The following ZNF385D variants were observed in gnomAD, a reference collection of about 807,000 sequenced individuals.
ZNF385D encodes zinc finger protein 659.
ZNF385D carries 15 observed loss-of-function variants against 35.8 expected under a neutral mutation model. That is an observed-to-expected ratio of 0.42 (90% CI 0.28 to 0.64). ZNF385D has a LOEUF of 0.64. Ranked by LOEUF, ZNF385D falls within the 30% of genes least tolerant of loss-of-function variation. The pLI, the probability that ZNF385D is intolerant of heterozygous loss-of-function variation, is 0.23. For synonymous variants in ZNF385D, 212 were observed against 186.8 expected, an observed-to-expected ratio of 1.13 and a Z score of -1.10; for missense variants, 474 against 494.6, an observed-to-expected ratio of 0.96 and a Z score of 0.39.
In ZNF385D at chr3:22,371,347, G is replaced by A. The variant is rs550519398; in HGVS notation, c.106+1103C>T. Among the ~76,000 whole-genome samples the A allele has an allele frequency of 4.9e-4, 74 of 152,240 alleles. 1 individual carries two copies. The highest frequency in any genetic ancestry group is 4.8e-3 in the Admixed American group (73 of 15,288). ...AGATGATTTCCCCACCATATTCCGG[G>A]AACACCGCAGAATTAGCATAGAACA... On this transcript the variant is annotated intron_variant, in intron 2 of 5. Coordinates refer to the ZNF385D transcript ENST00000494108.
At chr3:21,456,348 A>C (rs924702355) in intron 4 of ZNF385D, among the ~76,000 whole-genome samples, 1 of 152,208 alleles carries the variant, frequency 6.6e-6, no homozygotes, top group Admixed American at 6.5e-5. Context: ...AACGTCCAAC[A>C]ATGATAGACT....
chr3:22,187,602 T>C (rs996699785), intron 2 of ZNF385D, among the ~76,000 whole-genome samples: 6 of 152,110 alleles, frequency 3.9e-5, no homozygotes, highest in Admixed American at 3.3e-4. Flanking sequence ...GGGAACAAAG[T>C]TCTCATGAGG....
In ZNF385D at chr3:21,779,270, T is replaced by C. The variant is rs762675343; in HGVS notation, c.326-114242A>G. 9.9e-5 allele frequency among the ~76,000 whole-genome samples: 15 copies of C among 152,128 alleles called. No individual in the cohort carries two copies. In the East Asian group the frequency reaches 2.9e-3, roughly 30 times the overall value. On this transcript the variant is annotated intron_variant, in intron 3 of 5. Coordinates refer to the ZNF385D transcript ENST00000494108. ...CTGCAAAACAAAATTGAGCAGATTA[T>C]TCAGGTCAAATTGACTTCTAACTCA...
At chr3:21,839,610 G>A (rs73144887) in intron 3 of ZNF385D, among the ~76,000 whole-genome samples, 3,281 of 152,178 alleles carry the variant, frequency 0.022, 122 homozygotes, top group African/African-American at 0.075. Context: ...GCTTACAAGA[G>A]TAAAGATGTA....
intron 3 of ZNF385D, among the ~76,000 whole-genome samples, chr3:22,010,856 C>T (rs796594050): frequency 7.2e-5 from 11 of 152,216 alleles, no homozygotes; most frequent in African/African-American, 2.6e-4. Context: ...GTAAGGACAG[C>T]TATTTCAATA....
At chr3:21,824,157 C>G (rs1694449502) in intron 3 of ZNF385D, among the ~76,000 whole-genome samples, 2 of 152,138 alleles carry the variant, frequency 1.3e-5, no homozygotes, top group Non-Finnish European at 2.9e-5. Context: ...TTTCAAAATT[C>G]ATTATATCAT....
intron 2 of ZNF385D, among the ~76,000 whole-genome samples, chr3:22,314,354 T>C (rs1203869431): frequency 9.2e-5 from 14 of 152,160 alleles, no homozygotes; most frequent in Admixed American, 2.0e-4. Context: ...CTCCCACTTA[T>C]GAGTGAGAAC....
At chr3:21,536,981 A>G (rs1199834118) in intron 3 of ZNF385D, among the ~76,000 whole-genome samples, 1 of 152,030 alleles carries the variant, frequency 6.6e-6, no homozygotes, top group Admixed American at 6.5e-5. Context: ...TGACTACAGT[A>G]AGGTTAATGT....
chr3:21,585,168 A>G (rs989268304), intron 2 of ZNF385D, among the ~76,000 whole-genome samples: 3 of 152,208 alleles, frequency 2.0e-5, no homozygotes, highest in Non-Finnish European at 4.4e-5. Flanking sequence ...CCTGACATCA[A>G]TAAAGTTTGC....
intron 2 of ZNF385D, among the ~76,000 whole-genome samples, chr3:22,369,166 T>C (rs1200779042): frequency 6.6e-6 from 1 of 152,200 alleles, no homozygotes; most frequent in Non-Finnish European, 1.5e-5. Flanking sequence ...CCAATATTAG[T>C]TTCTTCAATC....
chr3:21,916,261 A>C (rs1296138421), intron 3 of ZNF385D, among the ~76,000 whole-genome samples: 1 of 152,132 alleles, frequency 6.6e-6, no homozygotes, highest in Non-Finnish European at 1.5e-5. Flanking sequence ...TTCTAGATAG[A>C]TTTTGTCAAT....
intron 3 of ZNF385D, among the ~76,000 whole-genome samples, chr3:22,069,845 AC>A (rs1700144875): frequency 6.6e-6 from 1 of 152,064 alleles, no homozygotes; most frequent in South Asian, 2.1e-4. Flanking sequence ...GGAAAACCCC[AC>A]TGTAGGCAGG....
At chr3:22,313,467 T>TTCTACAG (rs1484043986) in intron 2 of ZNF385D, among the ~76,000 whole-genome samples, 2 of 152,076 alleles carry the variant, frequency 1.3e-5, no homozygotes, top group Non-Finnish European at 2.9e-5. Flanking sequence ...GTAGAAAAAT[T>TTCTACAG]AAATTATGAA....
At chr3:22,181,817 G>A (rs1695299244) in intron 2 of ZNF385D, among the ~76,000 whole-genome samples, 1 of 152,044 alleles carries the variant, frequency 6.6e-6, no homozygotes, top group African/African-American at 2.4e-5. Context: ...AAAGAAGCAA[G>A]CTGCCAAAGC....
intron 3 of ZNF385D, among the ~76,000 whole-genome samples, chr3:21,794,619 GGCTA>G (rs1024267337): frequency 2.0e-5 from 3 of 152,070 alleles, no homozygotes; most frequent in Non-Finnish European, 4.4e-5. Context: ...GGATGGAAGG[GGCTA>G]GCTAACTTTG....
rs1448437192 is a variant in ZNF385D at position 21,412,906 on chromosome 3, A to G, written c.*8308T>C. The G allele has an allele frequency of 2.0e-5, 3 of 152,078 alleles. No individual in the cohort carries two copies. The highest frequency in any genetic ancestry group is 4.4e-5 in the Non-Finnish European group (3 of 67,968). The allele number at this position is 152,078 out of a possible 1,614,324, so 9.4% of individuals were successfully genotyped here. A position where few individuals can be genotyped will look rare whatever the true frequency, so the allele number is the denominator to read the frequency against. ...TTATAGTGGGGGAAATTATTGGCAT[A>G]TGGGGGATTTTATCACATATCATGT... On this transcript the variant is annotated 3_prime_UTR_variant, in exon 8 of 8. Coordinates refer to ENST00000281523, the MANE Select transcript of ZNF385D (RefSeq NM_024697.3).
chr3:21,601,729 C>T (rs975021865), intron 2 of ZNF385D, among the ~76,000 whole-genome samples: 3 of 152,142 alleles, frequency 2.0e-5, no homozygotes, highest in East Asian at 3.9e-4. Flanking sequence ...GTAACTTTTT[C>T]GTTAGTGATA....
At chr3:22,205,040 A>T (rs1340237045) in intron 2 of ZNF385D, among the ~76,000 whole-genome samples, 1 of 151,808 alleles carries the variant, frequency 6.6e-6, no homozygotes, top group Non-Finnish European at 1.5e-5. Context: ...CACCAAGCAG[A>T]TTTAACCCAA....
At chr3:21,756,938 A>G (rs1001266992) in intron 3 of ZNF385D, among the ~76,000 whole-genome samples, 3 of 152,108 alleles carry the variant, frequency 2.0e-5, no homozygotes. Flanking sequence ...TCCTAAATCA[A>G]TTTTATGACC....
Sources: allele counts gnomAD v4.1 joint callset (sites outside exome capture counted in the v4.1 genomes callset), GRCh38; gene constraint gnomAD v4.1.1; transcripts MANE v1.5; gene names NCBI Gene and HGNC (gene_info 2026-07-23, HGNC 2026-07-21).